PRIM2: variants seen among roughly 807,000 people sequenced by gnomAD.
The protein encoded by PRIM2 is DNA primase subunit 2, also known as DNA primase large subunit.
In PRIM2, 39 loss-of-function variants were observed where a neutral mutation model predicts 67.3. The ratio of observed to expected loss-of-function variants is 0.58; its 90% CI spans 0.45 to 0.76. The LOEUF (loss-of-function observed/expected upper bound fraction) is 0.76, where lower values mean the gene tolerates loss of function less well. Ranked by LOEUF, PRIM2 falls within the 30% of genes least tolerant of loss-of-function variation. PRIM2 has a pLI of 0.00. For missense variants in PRIM2, 398 were observed against 598.7 expected (o/e 0.66, Z 3.50); for synonymous variants, 143 against 198.7 (o/e 0.72, Z 2.36).
chr6:57,451,779 C>CT lies in PRIM2; in HGVS notation c.694-55594dup, dbSNP rs146616279. ...ACATACTGGCTTGTTCATTTCCTTT[C>CT]TTTTTTTTTTTTTTAATTATACTTT... is the stretch of plus-strand genomic sequence containing the variant. On this transcript the variant is annotated intron_variant, in intron 7 of 13. Transcript: ENST00000615550. 3.3e-3 allele frequency among the ~76,000 whole-genome samples: 439 copies of CT among 133,984 alleles called. 1 individual carries two copies. The highest frequency in any genetic ancestry group is 0.028 in the South Asian group (119 of 4,206). The allele number at this position is 133,984 out of a possible 152,430, so 87.9% of individuals were successfully genotyped here.
At chr6:57,238,811 C>T in the PRIM2 span, among the ~76,000 whole-genome samples, 792 of 152,166 alleles carry the variant, frequency 5.2e-3, 11 homozygotes, top group African/African-American at 0.016. Flanking sequence ...ATTGAGAGAC[C>T]GCTAGCAAGA....
intron 7 of PRIM2, among the ~76,000 whole-genome samples, chr6:57,384,999 A>C (rs528758922): frequency 6.6e-6 from 1 of 152,298 alleles, no homozygotes; most frequent in South Asian, 2.1e-4. Flanking sequence ...TGTAAAAAAA[A>C]TTTTACATTT....
At chr6:57,446,326 CAG>C (rs931851131) in intron 7 of PRIM2, among the ~76,000 whole-genome samples, 3 of 146,760 alleles carry the variant, frequency 2.0e-5, no homozygotes, top group African/African-American at 7.5e-5. Context: ...AAACTTGCCT[CAG>C]AATAGCTTCA....
intron 5 of PRIM2, among the ~76,000 whole-genome samples, chr6:57,370,666 T>C (rs1450977862): frequency 1.3e-5 from 2 of 152,110 alleles, no homozygotes; most frequent in South Asian, 2.1e-4. Context: ...TAGAAACACA[T>C]TGAATTCCTT....
intron 7 of PRIM2, among the ~76,000 whole-genome samples, chr6:57,498,695 T>G (rs1376528306): frequency 2.6e-5 from 4 of 152,240 alleles, no homozygotes; most frequent in Admixed American, 6.5e-5. Flanking sequence ...CAAGTGAGCA[T>G]TTTTTTCCTG....
the PRIM2 span, among the ~76,000 whole-genome samples, chr6:57,277,262 C>A: frequency 2.0e-5 from 3 of 152,192 alleles, no homozygotes; most frequent in Non-Finnish European, 4.4e-5. Flanking sequence ...GTGCTCTGCA[C>A]TGTTCTAGGA....
intron 7 of PRIM2, among the ~76,000 whole-genome samples, chr6:57,424,965 T>G (rs1771574270): frequency 6.6e-6 from 1 of 152,178 alleles, no homozygotes; most frequent in African/African-American, 2.4e-5. Flanking sequence ...TAGTGTTCCC[T>G]TAAGTGTAGG....
At chr6:57,478,899 C>A (rs1234277259) in intron 7 of PRIM2, among the ~76,000 whole-genome samples, 1 of 152,228 alleles carries the variant, frequency 6.6e-6, no homozygotes, top group Non-Finnish European at 1.5e-5. Context: ...GTAATCCCAG[C>A]ACTTTAGGAG....
intron 10 of PRIM2, among the ~76,000 whole-genome samples, chr6:57,550,749 T>C (rs1775384811): frequency 6.6e-6 from 1 of 152,184 alleles, no homozygotes; most frequent in African/African-American, 2.4e-5. Context: ...GTTGCTAATA[T>C]ATGTGGTACT....
chr6:57,495,930 G>A (rs1773994819), intron 7 of PRIM2, among the ~76,000 whole-genome samples: 1 of 151,898 alleles, frequency 6.6e-6, no homozygotes, highest in South Asian at 2.1e-4. Flanking sequence ...TATTTTTAGT[G>A]GAGATGAAGT....
chr6:57,346,246 T>C lies in PRIM2; in HGVS notation c.459+20201T>C, dbSNP rs6459194. ...GTTCAAGATGGAGTTGCTCTCGCTC[T>C]ACTAGAGTCTTTTGGCAGTGTTACT... On this transcript the variant is annotated intron_variant, in intron 5 of 13. Transcript: ENST00000615550. Among the ~76,000 whole-genome samples, 696 of 152,316 alleles carry C rather than the reference T, an allele frequency of 4.6e-3. 5 individuals are homozygous for C. The highest frequency in any genetic ancestry group is 0.016 in the African/African-American group (670 of 41,572).
At chr6:57,639,055 C>G (rs1226924271) in intron 13 of PRIM2, among the ~76,000 whole-genome samples, 2 of 152,154 alleles carry the variant, frequency 1.3e-5, no homozygotes, top group Non-Finnish European at 2.9e-5. Flanking sequence ...TTAACAGTCT[C>G]TCAGACCACA....
chr6:57,585,967 T>C (rs1182259922), intron 10 of PRIM2, among the ~76,000 whole-genome samples: 10 of 152,338 alleles, frequency 6.6e-5, no homozygotes, highest in Admixed American at 5.2e-4. Context: ...CCAGTTCGTG[T>C]AGCTGTTCTT....
chr6:57,571,751 T>G (rs1395479754), intron 10 of PRIM2, among the ~76,000 whole-genome samples: 1 of 152,154 alleles, frequency 6.6e-6, no homozygotes. Context: ...AAACCAAAAT[T>G]TATTTCTGAG....
chr6:57,432,463 A>G (rs1771870383), intron 7 of PRIM2, among the ~76,000 whole-genome samples: 1 of 152,186 alleles, frequency 6.6e-6, no homozygotes, highest in African/African-American at 2.4e-5. Flanking sequence ...GTGGACACTT[A>G]ATAGCTTCTC....
At chr6:57,455,348 T>C (rs1772727347) in intron 7 of PRIM2, among the ~76,000 whole-genome samples, 1 of 152,204 alleles carries the variant, frequency 6.6e-6, no homozygotes, top group African/African-American at 2.4e-5. Context: ...CCTTGTTAAC[T>C]TTCTGTCTCG....
At chr6:57,568,605 C>G in intron 10 of PRIM2, among the ~76,000 whole-genome samples, 1 of 152,316 alleles carries the variant, frequency 6.6e-6, no homozygotes, top group Non-Finnish European at 1.5e-5. Flanking sequence ...GTAATCATGG[C>G]TTTTCTATTT....
intron 7 of PRIM2, among the ~76,000 whole-genome samples, chr6:57,465,869 C>T (rs895537263): frequency 2.6e-5 from 4 of 151,554 alleles, no homozygotes; most frequent in African/African-American, 7.3e-5. Context: ...ATGTGCAGAA[C>T]GTGCAGGTTT....
rs1459487666 is a variant in PRIM2 at position 57,633,399 on chromosome 6, T to A, written c.1299+1198T>A. Among the ~76,000 whole-genome samples, 5 of 152,228 alleles carry A rather than the reference T, an allele frequency of 3.3e-5. No homozygotes were observed. In the East Asian group the frequency reaches 5.8e-4, roughly 18 times the overall value. On this transcript the variant is annotated intron_variant, in intron 13 of 13. Transcript: ENST00000615550. Reference sequence around the variant, plus strand: ...AAAAAGGAAGTTGCATTTGTTGAAATCATCATCAGCTACCATGCTAAAGTT... The same window carrying A: ...AAAAAGGAAGTTGCATTTGTTGAAAACATCATCAGCTACCATGCTAAAGTT...
Sources: gnomAD v4.1 joint callset for allele counts (sites outside exome capture counted in the v4.1 genomes callset) on GRCh38, gnomAD v4.1.1 for gene constraint, MANE v1.5 for transcripts, NCBI Gene and HGNC (gene_info 2026-07-23, HGNC 2026-07-21) for gene names.